Variants in ANKRD6 observed in about 807,000 individuals in gnomAD.
ANKRD6 encodes ankyrin repeat domain-containing protein 6.
In ANKRD6, 56 loss-of-function variants were observed where a neutral mutation model predicts 82.3. That is an observed-to-expected ratio of 0.68 (90% CI 0.55 to 0.85). The LOEUF is 0.85. Ranked by LOEUF, ANKRD6 falls within the 40% of genes least tolerant of loss-of-function variation. ANKRD6 has a pLI of 0.00. For synonymous variants in ANKRD6, 347 were observed against 352.1 expected (o/e 0.99, Z 0.16); for missense variants, 852 against 907.6 (o/e 0.94, Z 0.79).
At chr6:89,593,437 A>G (rs1795280212) in intron 2 of ANKRD6, among the ~76,000 whole-genome samples, 2 of 152,226 alleles carry the variant, frequency 1.3e-5, no homozygotes, top group African/African-American at 4.8e-5. Flanking sequence ...GAGCACAGTC[A>G]CTGTCAGAGA....
chr6:89,612,398 TTCTC>T, intron 6 of ANKRD6, 28 bp downstream of exon 6: 1 of 1,524,590 alleles, frequency 6.6e-7, no homozygotes, highest in Non-Finnish European at 8.9e-7. Flanking sequence ...GATTCTCACG[TTCTC>T]TCTTTCTTGT....
Position 89,603,139 on chromosome 6 carries a change from C to T in ANKRD6, c.318+12C>T, listed in dbSNP as rs751555116. 1.3e-6 allele frequency: 2 copies of T among 1,589,570 alleles called. No individual in the cohort carries two copies. Among genetic ancestry groups the T allele is most frequent in the East Asian group, 4.6e-5 (2 of 43,454 alleles). The stretch of plus-strand genomic sequence containing the variant: ...ACAGACAAGACAAGGTGAGTGGACA[C>T]TGAGCTTCCTTACTCCCCAAGGCAA... On this transcript the variant is annotated intron_variant, in intron 4 of 15. Transcript: ENST00000339746.
chr6:89,611,248 G>C (rs1411598113), intron 5 of ANKRD6, among the ~76,000 whole-genome samples: 1 of 151,752 alleles, frequency 6.6e-6, no homozygotes, highest in Non-Finnish European at 1.5e-5. Context: ...AGCCAGGACT[G>C]TGAGATCCAG....
At chr6:89,550,157 G>C (rs1255093935) in intron 1 of ANKRD6, among the ~76,000 whole-genome samples, 1 of 152,006 alleles carries the variant, frequency 6.6e-6, no homozygotes, top group Non-Finnish European at 1.5e-5. Flanking sequence ...CTATGACCTA[G>C]TAATTCTGCT....
At chr6:89,548,780 C>A (rs1785433504) in intron 1 of ANKRD6, among the ~76,000 whole-genome samples, 1 of 152,192 alleles carries the variant, frequency 6.6e-6, no homozygotes, top group Non-Finnish European at 1.5e-5. Flanking sequence ...CCAGTGTTAG[C>A]AAATGAGGGT....
chr6:89,460,361 C>G (rs143908498), intron 1 of ANKRD6, among the ~76,000 whole-genome samples: 3 of 151,958 alleles, frequency 2.0e-5, no homozygotes, highest in African/African-American at 7.2e-5. Flanking sequence ...GCCAAAGCAA[C>G]TTAGATAAGT....
Position 89,630,604 on chromosome 6 carries a change from C to G in ANKRD6, c.1784C>G (p.Thr595Arg), listed in dbSNP as rs762134684. 2 of 1,613,904 alleles carry G rather than the reference C, an allele frequency of 1.2e-6. No homozygotes were observed. Among genetic ancestry groups the G allele is most frequent in the South Asian group, 2.2e-5 (2 of 91,066 alleles). Residue 595 changes from threonine (T) to arginine (R), a missense_variant, in exon 16 of 16, where the codon ACA (threonine) becomes AGA (arginine). Transcript: ENST00000339746. ...CGACTGAGAAACGTCAAGGTCCAGACAGCCTTGCTACCCATGAATGAGGCA... is the reference window on the plus strand; with the variant it reads ...CGACTGAGAAACGTCAAGGTCCAGAGAGCCTTGCTACCCATGAATGAGGCA... The part of the protein sequence containing the change: ...GSRLRNVKVQ[T>R]ALLPMNEAAR...
intron 5 of ANKRD6, among the ~76,000 whole-genome samples, chr6:89,609,598 GGCCTGTAATC>G (rs1446727559): frequency 6.6e-6 from 1 of 151,680 alleles, no homozygotes; most frequent in African/African-American, 2.4e-5. Context: ...CACCGAACCC[GGCCTGTAATC>G]ACCACGTTTT....
chr6:89,615,461 G>A (rs1316065454), intron 7 of ANKRD6, among the ~76,000 whole-genome samples: 8 of 152,332 alleles, frequency 5.3e-5, no homozygotes, highest in East Asian at 3.9e-4. Context: ...CCTTGGCAGC[G>A]TGTCACGGCA....
chr6:89,449,667 C>CT (rs1360969065), intron 1 of ANKRD6, among the ~76,000 whole-genome samples: 1 of 152,234 alleles, frequency 6.6e-6, no homozygotes, highest in African/African-American at 2.4e-5. Flanking sequence ...TATGCCATCT[C>CT]TGAGTCCCTG....
At chr6:89,592,019 A>G (rs769396157) in intron 2 of ANKRD6, among the ~76,000 whole-genome samples, 2 of 152,204 alleles carry the variant, frequency 1.3e-5, no homozygotes, top group Non-Finnish European at 1.5e-5. Context: ...CAGGGAAGTC[A>G]TAGTTTGGAG....
In ANKRD6 at chr6:89,496,523, AATTT is replaced by A. The variant is rs1778643092; in HGVS notation, c.-144+63161_-144+63164del. On this transcript the variant is annotated intron_variant, in intron 1 of 15. Coordinates refer to ENST00000339746, the MANE Select transcript of ANKRD6 (RefSeq NM_001242809.2). ...TGGGGAAAGATAAAATTAATTAATT[AATTT>A]ATTTATTTATTTTGAGATGGAGTCT... is the stretch of plus-strand genomic sequence containing the variant. Among the ~76,000 whole-genome samples the A allele has an allele frequency of 3.3e-5, 5 of 152,132 alleles. 1 individual carries two copies. Among genetic ancestry groups the A allele is most frequent in the African/African-American group, 1.2e-4 (5 of 41,508 alleles).
intron 1 of ANKRD6, among the ~76,000 whole-genome samples, chr6:89,476,733 A>G (rs1164375265): frequency 6.6e-6 from 1 of 152,210 alleles, no homozygotes; most frequent in Non-Finnish European, 1.5e-5. Context: ...GGAAGACACA[A>G]AAAAATAGGA....
At chr6:89,551,593 G>A (rs1231158862) in intron 1 of ANKRD6, among the ~76,000 whole-genome samples, 2 of 152,194 alleles carry the variant, frequency 1.3e-5, no homozygotes, top group Non-Finnish European at 2.9e-5. Flanking sequence ...AAGAGAGAAA[G>A]CTCCATCATC....
chr6:89,608,246 G>A (rs967814169), intron 5 of ANKRD6, among the ~76,000 whole-genome samples: 2 of 152,022 alleles, frequency 1.3e-5, no homozygotes, highest in African/African-American at 4.8e-5. Context: ...ACATCACAGA[G>A]TGGTAGCTTC....
intron 1 of ANKRD6, among the ~76,000 whole-genome samples, chr6:89,445,446 T>TTTTA (rs1261714566): frequency 6.6e-6 from 1 of 151,604 alleles, no homozygotes; most frequent in Non-Finnish European, 1.5e-5. Context: ...AATTTTTGTA[T>TTTTA]TTTATTTATT....
At chr6:89,603,399 T>C (rs1797722539) in intron 4 of ANKRD6, among the ~76,000 whole-genome samples, 1 of 146,234 alleles carries the variant, frequency 6.8e-6, no homozygotes, top group Non-Finnish European at 1.5e-5. Flanking sequence ...TGATCATAGC[T>C]CACTGCACCT....
intron 1 of ANKRD6, among the ~76,000 whole-genome samples, chr6:89,467,885 G>C (rs1775026522): frequency 6.6e-6 from 1 of 152,188 alleles, no homozygotes; most frequent in Non-Finnish European, 1.5e-5. Context: ...GTGAAACCTG[G>C]AGCTGAAGTG....
chr6:89,463,740 G>C (rs940810214), intron 1 of ANKRD6, among the ~76,000 whole-genome samples: 2 of 151,998 alleles, frequency 1.3e-5, no homozygotes, highest in Non-Finnish European at 2.9e-5. Context: ...TAGTAGAGAT[G>C]GGGCTTCACC....
Sources: allele counts gnomAD v4.1 joint callset (sites outside exome capture counted in the v4.1 genomes callset), GRCh38; gene constraint gnomAD v4.1.1; transcripts MANE v1.5; gene names NCBI Gene and HGNC (gene_info 2026-07-23, HGNC 2026-07-21).